MBNL2: variants seen among roughly 807,000 people sequenced by gnomAD.
MBNL2 encodes muscleblind-like protein 2.
MBNL2 carries 17 observed loss-of-function variants against 41.9 expected under a neutral mutation model. The ratio of observed to expected loss-of-function variants is 0.41; its 90% CI spans 0.28 to 0.61. The LOEUF (loss-of-function observed/expected upper bound fraction) is 0.61, where lower values mean the gene tolerates loss of function less well. Ranked by LOEUF, MBNL2 falls within the 20% of genes least tolerant of loss-of-function variation. The pLI is 0.35. For missense variants in MBNL2, 336 were observed against 505.6 expected, an observed-to-expected ratio of 0.66 and a Z score of 3.22; for synonymous variants, 195 against 182.9, an observed-to-expected ratio of 1.07 and a Z score of -0.53.
intron 2 of MBNL2, among the ~76,000 whole-genome samples, chr13:97,287,269 CG>C (rs1566392771): frequency 6.6e-6 from 1 of 152,092 alleles, no homozygotes; most frequent in African/African-American, 2.4e-5. Context: ...GAAACTTCAT[CG>C]TTCCCAAAAA....
At chr13:97,263,758 C>G (rs2049126903) in intron 1 of MBNL2, among the ~76,000 whole-genome samples, 1 of 151,988 alleles carries the variant, frequency 6.6e-6, no homozygotes, top group African/African-American at 2.4e-5. Flanking sequence ...GCTGGGATTA[C>G]AGGTGTGCAC....
chr13:97,196,568 T>C, the MBNL2 span, among the ~76,000 whole-genome samples: 2 of 152,132 alleles, frequency 1.3e-5, no homozygotes, highest in Admixed American at 1.3e-4. Context: ...GAAGTGTTAC[T>C]GGAGCCATGG....
intron 2 of MBNL2, among the ~76,000 whole-genome samples, chr13:97,278,229 G>C (rs1435811424): frequency 2.3e-5 from 3 of 131,476 alleles, no homozygotes; most frequent in Admixed American, 8.2e-5. Context: ...ACTCCAGCCT[G>C]GGTGATAGAG....
chr13:97,351,428 A>C (rs1174326776), intron 5 of MBNL2, among the ~76,000 whole-genome samples: 4 of 152,212 alleles, frequency 2.6e-5, no homozygotes. Flanking sequence ...TGAAGGTTTG[A>C]AGCTAGTCCT....
chr13:97,259,226 G>T (rs1350114087), intron 1 of MBNL2, among the ~76,000 whole-genome samples: 2 of 152,046 alleles, frequency 1.3e-5, no homozygotes, highest in Non-Finnish European at 2.9e-5. Context: ...ACTGGGCTTG[G>T]GTGTGCTGGT....
intron 2 of MBNL2, among the ~76,000 whole-genome samples, chr13:97,285,690 C>T (rs948008167): frequency 2.6e-5 from 4 of 152,184 alleles, no homozygotes; most frequent in Non-Finnish European, 4.4e-5. Flanking sequence ...TGATCACGTG[C>T]TCCTAAACAC....
chr13:97,307,871 C>T (rs1318368294), intron 2 of MBNL2, among the ~76,000 whole-genome samples: 1 of 152,202 alleles, frequency 6.6e-6, no homozygotes, highest in African/African-American at 2.4e-5. Flanking sequence ...ATTTTCTGCT[C>T]CCTCTTCAAA....
chr13:97,359,088 C>T (rs943815602), intron 7 of MBNL2, among the ~76,000 whole-genome samples: 3 of 152,112 alleles, frequency 2.0e-5, no homozygotes, highest in South Asian at 2.1e-4. Context: ...TTCACTTTTG[C>T]CCTATTACAG....
intron 1 of MBNL2, among the ~76,000 whole-genome samples, chr13:97,247,741 C>T (rs1427955322): frequency 6.6e-6 from 1 of 152,062 alleles, no homozygotes; most frequent in African/African-American, 2.4e-5. Context: ...TTTTAAATCA[C>T]ATTCTAGTTC....
At chr13:97,361,740 C>T (rs984134073) in intron 7 of MBNL2, among the ~76,000 whole-genome samples, 4 of 144,112 alleles carry the variant, frequency 2.8e-5, no homozygotes, top group Non-Finnish European at 4.5e-5. Flanking sequence ...AAAATAAGAG[C>T]GGATTTTTAT....
At chr13:97,152,451 C>T in the MBNL2 span, among the ~76,000 whole-genome samples, 16,046 of 151,878 alleles carry the variant, frequency 0.11, 978 homozygotes, top group East Asian at 0.21. Context: ...CGGCCAAGTG[C>T]GAACACAATG....
chr13:97,234,809 G>A (rs1359805780), intron 1 of MBNL2, among the ~76,000 whole-genome samples: 1 of 152,206 alleles, frequency 6.6e-6, no homozygotes, highest in African/African-American at 2.4e-5. Context: ...TTCCGTCATC[G>A]TCTATGTGTT....
intron 1 of MBNL2, among the ~76,000 whole-genome samples, chr13:97,229,199 A>C (rs2042058862): frequency 6.6e-6 from 1 of 150,500 alleles, no homozygotes; most frequent in African/African-American, 2.5e-5. Flanking sequence ...ATATTGTCTA[A>C]ATGATTTACT....
At chr13:97,182,733 A>T in the MBNL2 span, among the ~76,000 whole-genome samples, 1 of 152,208 alleles carries the variant, frequency 6.6e-6, no homozygotes, top group African/African-American at 2.4e-5. Context: ...GGCAACAATC[A>T]AGAAGAGGTT....
At chr13:97,391,236 T>C in intron 8 of MBNL2, 86 bp from the exon 9 acceptor site, 1 of 680,642 alleles carries the variant, frequency 1.5e-6, no homozygotes, top group East Asian at 2.6e-5. Context: ...GATTTTCAAA[T>C]GTCTATTTTT....
the MBNL2 span, among the ~76,000 whole-genome samples, chr13:97,204,220 G>C: frequency 6.6e-6 from 1 of 152,174 alleles, no homozygotes; most frequent in South Asian, 2.1e-4. Flanking sequence ...GGATAAGGTC[G>C]TCTTCTCAAC....
the MBNL2 span, among the ~76,000 whole-genome samples, chr13:97,175,369 T>C: frequency 2.0e-5 from 3 of 152,172 alleles, no homozygotes; most frequent in African/African-American, 7.2e-5. Flanking sequence ...TGAAGTCTTC[T>C]TCTCAGAGGA....
At chr13:97,352,043 A>AATAAATAAATAATAAAAAAT (rs772105737) in intron 5 of MBNL2, among the ~76,000 whole-genome samples, 1 of 73,306 alleles carries the variant, frequency 1.4e-5, no homozygotes, top group African/African-American at 2.0e-4. Context: ...AATATAAATA[A>AATAAATAAATAATAAAAAAT]ATAAATAAAT....
intron 1 of MBNL2, among the ~76,000 whole-genome samples, chr13:97,243,711 T>G (rs1211878407): frequency 6.6e-6 from 1 of 152,244 alleles, no homozygotes; most frequent in Admixed American, 6.5e-5. Flanking sequence ...TTTTCTCTTT[T>G]TCTTCTCTCC....
Sources: gnomAD v4.1 joint callset for allele counts (sites outside exome capture counted in the v4.1 genomes callset) on GRCh38, gnomAD v4.1.1 for gene constraint, MANE v1.5 for transcripts, NCBI Gene and HGNC (gene_info 2026-07-23, HGNC 2026-07-21) for gene names.